The following CPB2 variants were observed in gnomAD, a reference collection of about 807,000 sequenced individuals.
CPB2 encodes the protein carboxypeptidase B2.
CPB2 carries 54 observed loss-of-function variants against 57.0 expected under a neutral mutation model. The observed-to-expected ratio is 0.95, with a 90% CI of 0.76 to 1.19. The LOEUF is 1.19. Ranked by LOEUF, CPB2 falls within the 50% of genes most tolerant of loss-of-function variation. The probability of loss-of-function intolerance (pLI) is 0.00; values close to 1 mark genes in which losing one functional copy is unlikely to be tolerated. For missense variants in CPB2, 426 were observed against 512.0 expected (o/e 0.83, Z 1.62); for synonymous variants, 189 against 178.1 (o/e 1.06, Z -0.49).
rs1298012129 is a variant in CPB2, at chr13:46,055,982, CAAAT to C, written c.1000-137_1000-134del. On this transcript the variant is annotated intron_variant, in intron 9 of 10. Transcript: ENST00000181383. ...AGAAAATCTAGATTCATCTAAAAGGCAAATAAATAAGGTAAACAAATTAATTTAA... is the reference window on the plus strand; with the variant it reads ...AGAAAATCTAGATTCATCTAAAAGGCAAATAAGGTAAACAAATTAATTTAA... 1.3e-5 allele frequency: 6 copies of C among 451,948 alleles called. No individual in the cohort carries two copies. In the South Asian group the frequency reaches 2.9e-4, roughly 22 times the overall value. The allele number at this position is 451,948 out of a possible 1,614,324, so 28.0% of individuals were successfully genotyped here. A position where few individuals can be genotyped will look rare whatever the true frequency, so the allele number is the denominator to read the frequency against.
rs1318490698 is a variant in CPB2 at position 46,053,506 on chromosome 13, C to A, written c.*108G>T. On this transcript the variant is annotated 3_prime_UTR_variant, in exon 11 of 11. Coordinates refer to ENST00000181383, the MANE Select transcript of CPB2 (RefSeq NM_001872.5). ...TGACAGAACCAAGGAATAGGAAAATCTTTTATCAAAACTACGGATAAAACT... is the reference window on the plus strand; with the variant it reads ...TGACAGAACCAAGGAATAGGAAAATATTTTATCAAAACTACGGATAAAACT... 2 of 1,490,272 alleles carry A rather than the reference C, an allele frequency of 1.3e-6. No individual in the cohort carries two copies. Among genetic ancestry groups the A allele is most frequent in the Non-Finnish European group, 1.8e-6 (2 of 1,113,726 alleles). The allele number at this position is 1,490,272 out of a possible 1,614,324, so 92.3% of individuals were successfully genotyped here. A position where few individuals can be genotyped will look rare whatever the true frequency, so the allele number is the denominator to read the frequency against.
chr13:46,098,277 G>A (rs969641955), intron 1 of CPB2: 5 of 152,156 alleles, frequency 3.3e-5, no homozygotes, highest in Non-Finnish European at 7.3e-5. Context: ...ACCTCTTTGG[G>A]GAAAACAGAA....
chr13:46,053,481 T>C lies in CPB2; in HGVS notation c.*133A>G. The C allele has an allele frequency of 2.9e-6, 4 of 1,394,570 alleles. No individual in the cohort carries two copies. Among genetic ancestry groups the C allele is most frequent in the Non-Finnish European group, 3.8e-6 (4 of 1,045,482 alleles). The allele number at this position is 1,394,570 out of a possible 1,614,324, so 86.4% of individuals were successfully genotyped here. ...GCAAAGTAGCACTTATTAGGTTCTC[T>C]GACAGAACCAAGGAATAGGAAAATC... On this transcript the variant is annotated 3_prime_UTR_variant, in exon 11 of 11. Coordinates refer to ENST00000181383, the MANE Select transcript of CPB2 (RefSeq NM_001872.5).
intron 5 of CPB2, among the ~76,000 whole-genome samples, chr13:46,074,435 A>C (rs2044991198): frequency 6.6e-6 from 1 of 150,718 alleles, no homozygotes; most frequent in Non-Finnish European, 1.5e-5. Context: ...TTTTTTTTTT[A>C]TGTGGATTAT....
At chr13:46,099,159 G>A (rs1351461658) in intron 1 of CPB2, 1 of 152,130 alleles carries the variant, frequency 6.6e-6, no homozygotes, top group African/African-American at 2.4e-5. Flanking sequence ...TTTGCTAAAC[G>A]AATTGGAGAT....
intron 5 of CPB2, among the ~76,000 whole-genome samples, chr13:46,078,051 A>G (rs868110514): frequency 1.3e-5 from 2 of 152,154 alleles, no homozygotes; most frequent in Non-Finnish European, 2.9e-5. Flanking sequence ...TAGCTAGAAG[A>G]TGAACTTAAA....
intron 1 of CPB2, among the ~76,000 whole-genome samples, chr13:46,089,296 T>G (rs2045257095): frequency 1.3e-5 from 2 of 152,190 alleles, no homozygotes. Flanking sequence ...CACCACTGCC[T>G]CTTCCTGCAT....
At chr13:46,076,865 G>A (rs1265530876) in intron 5 of CPB2, among the ~76,000 whole-genome samples, 2 of 152,042 alleles carry the variant, frequency 1.3e-5, no homozygotes, top group Non-Finnish European at 2.9e-5. Flanking sequence ...AAATGGTATT[G>A]GGAAAAATTT....
intron 1 of CPB2, among the ~76,000 whole-genome samples, chr13:46,088,888 TA>T (rs2045249325): frequency 6.6e-6 from 1 of 152,054 alleles, no homozygotes; most frequent in Non-Finnish European, 1.5e-5. Context: ...ATAATTTCTT[TA>T]TATATTCTAA....
chr13:46,061,538 G>A (rs994449559), intron 8 of CPB2, among the ~76,000 whole-genome samples: 4 of 152,212 alleles, frequency 2.6e-5, no homozygotes, highest in African/African-American at 7.2e-5. Flanking sequence ...AGAGACACCA[G>A]GGAGGTTTGT....
At chr13:46,058,415 G>A in intron 8 of CPB2, 34 bp from the exon 9 acceptor site, 2 of 1,575,588 alleles carry the variant, frequency 1.3e-6, no homozygotes, top group Non-Finnish European at 1.7e-6. Context: ...AATTATGAGG[G>A]GATGCACATA....
intron 1 of CPB2, among the ~76,000 whole-genome samples, chr13:46,102,194 T>A (rs947487842): frequency 1.3e-5 from 2 of 152,226 alleles, no homozygotes; most frequent in African/African-American, 4.8e-5. Flanking sequence ...TCCTCCACTC[T>A]CTAATTCCTA....
chr13:46,064,918 A>G (rs1315905133), intron 7 of CPB2, among the ~76,000 whole-genome samples, 177 bp from the exon 8 acceptor site: 1 of 152,144 alleles, frequency 6.6e-6, no homozygotes, highest in Non-Finnish European at 1.5e-5. Flanking sequence ...CCCTATTGCT[A>G]TCCGGGTTTC....
rs2045239151 is a variant in CPB2 at position 46,088,181 on chromosome 13, C to T, written c.75-361G>A. 2.0e-5 allele frequency among the ~76,000 whole-genome samples: 3 copies of T among 152,110 alleles called. No homozygotes were observed. In the South Asian group the frequency reaches 6.2e-4, roughly 32 times the overall value. ...ATACAATAAAATGAATGCCTGTGAA[C>T]CCATCACCCCACTTAAAAAGTCCAG... On this transcript the variant is annotated intron_variant, in intron 1 of 10. Transcript: ENST00000181383.
At chr13:46,087,720 T>C (rs753039677) in intron 2 of CPB2, 25 bp downstream of exon 2, 1 of 1,517,822 alleles carries the variant, frequency 6.6e-7, no homozygotes, top group Non-Finnish European at 9.1e-7. Context: ...GAAACCAATA[T>C]AAACATAAAT....
chr13:46,079,002 T>C, intron 4 of CPB2, 101 bp from the exon 5 acceptor site: 1 of 711,958 alleles, frequency 1.4e-6, no homozygotes, highest in South Asian at 1.6e-5. Context: ...AAAACCTCTG[T>C]ATGTGGAATG....
chr13:46,100,514 T>C (rs769772188), intron 1 of CPB2: 5 of 152,174 alleles, frequency 3.3e-5, no homozygotes, highest in African/African-American at 7.2e-5. Context: ...TTTATGGTTC[T>C]GTAAGTCACC....
At chr13:46,094,644 G>A (rs753386615) in intron 1 of CPB2, among the ~76,000 whole-genome samples, 27 of 152,210 alleles carry the variant, frequency 1.8e-4, no homozygotes, top group Non-Finnish European at 1.8e-4. Context: ...ACAATGAGCA[G>A]TAAGGTCGGA....
intron 1 of CPB2, among the ~76,000 whole-genome samples, chr13:46,103,313 T>C (rs1311790721): frequency 6.6e-6 from 1 of 152,214 alleles, no homozygotes; most frequent in Non-Finnish European, 1.5e-5. Context: ...GTGAGAACCA[T>C]GAGACTGAAC....
Sources: gnomAD v4.1 joint callset for allele counts (sites outside exome capture counted in the v4.1 genomes callset) on GRCh38, gnomAD v4.1.1 for gene constraint, MANE v1.5 for transcripts, NCBI Gene and HGNC (gene_info 2026-07-23, HGNC 2026-07-21) for gene names.